The following AFF3 variants were observed in gnomAD, a reference collection of about 807,000 sequenced individuals.
The protein encoded by AFF3 is ALF transcription elongation factor 3, also known as AF4/FMR2 family member 3.
A neutral mutation model predicts 129.7 loss-of-function variants in AFF3; 32 were observed. The observed-to-expected ratio is 0.25, with a 90% CI of 0.19 to 0.33. The LOEUF is 0.33. Ranked by LOEUF, AFF3 falls within the 10% of genes least tolerant of loss-of-function variation. AFF3 has a pLI of 1.00. For missense variants in AFF3, 1,373 were observed against 1,592.0 expected, an observed-to-expected ratio of 0.86 and a Z score of 2.34; for synonymous variants, 644 against 635.4, an observed-to-expected ratio of 1.01 and a Z score of -0.20.
chr2:99,766,441 G>A (rs1363959716), intron 8 of AFF3, among the ~76,000 whole-genome samples: 1 of 152,192 alleles, frequency 6.6e-6, no homozygotes, highest in African/African-American at 2.4e-5. Context: ...GTGAAGGCAG[G>A]ATGACTTTAT....
At chr2:100,100,793 T>C (rs1690667367) in intron 4 of AFF3, among the ~76,000 whole-genome samples, 1 of 152,212 alleles carries the variant, frequency 6.6e-6, no homozygotes, top group Non-Finnish European at 1.5e-5. Flanking sequence ...TGGTCATTAT[T>C]TTAAAGGCCC....
intron 21 of AFF3, among the ~76,000 whole-genome samples, chr2:99,559,697 G>A (rs1302683801): frequency 1.3e-5 from 2 of 152,198 alleles, no homozygotes; most frequent in Non-Finnish European, 2.9e-5. Context: ...CGGATCTGAT[G>A]CTGACATCCA....
chr2:99,719,657 G>T (rs559604057), intron 11 of AFF3, among the ~76,000 whole-genome samples: 1 of 152,290 alleles, frequency 6.6e-6, no homozygotes, highest in South Asian at 2.1e-4. Flanking sequence ...TGAAGTCTAT[G>T]TGGTAGCATT....
intron 1 of AFF3, among the ~76,000 whole-genome samples, chr2:100,137,432 T>C (rs1187253102): frequency 6.6e-6 from 1 of 152,226 alleles, no homozygotes; most frequent in Non-Finnish European, 1.5e-5. Context: ...CAGGCAAAGT[T>C]GTAACACATG....
At chr2:100,126,934 T>C (rs531668640) in intron 2 of AFF3, among the ~76,000 whole-genome samples, 5 of 152,336 alleles carry the variant, frequency 3.3e-5, no homozygotes, top group African/African-American at 1.2e-4. Context: ...ATTAAACTTG[T>C]TTAAAGTCTA....
intron 7 of AFF3, among the ~76,000 whole-genome samples, chr2:99,970,834 G>T (rs972657229): frequency 5.9e-5 from 9 of 152,158 alleles, no homozygotes; most frequent in African/African-American, 1.9e-4. Flanking sequence ...CGTGTCTCAC[G>T]CACCTTTGCT....
intron 4 of AFF3, among the ~76,000 whole-genome samples, chr2:100,026,734 G>A (rs184502194): frequency 7.1e-6 from 1 of 141,738 alleles, no homozygotes; most frequent in East Asian, 2.0e-4. Context: ...TATATATAAT[G>A]GAATACTACT....
intron 7 of AFF3, among the ~76,000 whole-genome samples, chr2:99,986,618 T>A (rs541335935): frequency 6.6e-6 from 1 of 152,334 alleles, no homozygotes; most frequent in South Asian, 2.1e-4. Context: ...CAGTCAAATG[T>A]GGTTCTAAGT....
chr2:100,140,943 C>T (rs1201835782), intron 1 of AFF3, among the ~76,000 whole-genome samples: 1 of 151,994 alleles, frequency 6.6e-6, no homozygotes, highest in Non-Finnish European at 1.5e-5. Context: ...TTACCATGTC[C>T]CTTCAAGTTT....
chr2:99,650,941 A>G (rs1029471248), intron 12 of AFF3, among the ~76,000 whole-genome samples: 1 of 152,078 alleles, frequency 6.6e-6, no homozygotes, highest in Non-Finnish European at 1.5e-5. Flanking sequence ...TGGGAGGCCC[A>G]GGCAGGTGGA....
chr2:100,090,817 C>G (rs1689795701), intron 4 of AFF3, among the ~76,000 whole-genome samples: 1 of 152,188 alleles, frequency 6.6e-6, no homozygotes, highest in Non-Finnish European at 1.5e-5. Flanking sequence ...GCTGGGATTA[C>G]AGGCGTCCAC....
intron 7 of AFF3, among the ~76,000 whole-genome samples, chr2:99,902,775 G>A (rs1419141973): frequency 6.6e-6 from 1 of 152,112 alleles, no homozygotes; most frequent in African/African-American, 2.4e-5. Flanking sequence ...AGTAAGATGT[G>A]TGGATCACAT....
At chr2:99,572,832 A>T (rs1676628864) in intron 18 of AFF3, among the ~76,000 whole-genome samples, 1 of 152,220 alleles carries the variant, frequency 6.6e-6, no homozygotes, top group Non-Finnish European at 1.5e-5. Flanking sequence ...CACTGCCTTT[A>T]TAGGCACTTC....
In AFF3 at chr2:99,991,907, AC is replaced by A. The variant is rs1327105346; in HGVS notation, c.873+14724del. Among the ~76,000 whole-genome samples, 608 of 151,450 alleles carry A rather than the reference AC, an allele frequency of 4.0e-3. 4 individuals carry two copies. The highest frequency in any genetic ancestry group is 0.014 in the African/African-American group (589 of 41,014). ...AACAGAGCAAGATTTTGTCTCAAAA[AC>A]AAAAACAAAAACAAAAAAACCCAAA... is the stretch of plus-strand genomic sequence containing the variant. On this transcript the variant is annotated intron_variant, in intron 7 of 24. Transcript: ENST00000672756.
At chr2:99,884,088 AC>A (rs1225143561) in intron 7 of AFF3, among the ~76,000 whole-genome samples, 1 of 152,254 alleles carries the variant, frequency 6.6e-6, no homozygotes, top group Non-Finnish European at 1.5e-5. Context: ...TGTTGTAACT[AC>A]ATTAGGAGAG....
intron 4 of AFF3, among the ~76,000 whole-genome samples, chr2:100,044,419 G>A (rs900448726): frequency 2.0e-5 from 3 of 151,246 alleles, no homozygotes; most frequent in Admixed American, 6.6e-5. Context: ...GAATAGCTCC[G>A]TTTCACAACC....
chr2:99,615,410 G>A (rs1183366466), intron 13 of AFF3, among the ~76,000 whole-genome samples: 3 of 152,230 alleles, frequency 2.0e-5, no homozygotes, highest in African/African-American at 7.2e-5. Flanking sequence ...GCCTTCTGGT[G>A]ATACAACTCG....
chr2:99,857,698 C>A (rs1416274297), intron 7 of AFF3, among the ~76,000 whole-genome samples: 1 of 152,206 alleles, frequency 6.6e-6, no homozygotes, highest in Non-Finnish European at 1.5e-5. Context: ...TTCAACCCTA[C>A]TCAATTCAAC....
intron 7 of AFF3, among the ~76,000 whole-genome samples, chr2:100,005,924 T>C (rs1681931674): frequency 6.6e-6 from 1 of 152,206 alleles, no homozygotes; most frequent in Non-Finnish European, 1.5e-5. Flanking sequence ...ACTGAACAGT[T>C]CCTAAGTATA....
Sources: gnomAD v4.1 joint callset for allele counts (sites outside exome capture counted in the v4.1 genomes callset) on GRCh38, gnomAD v4.1.1 for gene constraint, MANE v1.5 for transcripts, NCBI Gene and HGNC (gene_info 2026-07-23, HGNC 2026-07-21) for gene names.